NTN3: variants seen among roughly 807,000 people sequenced by gnomAD.
NTN3 encodes the protein netrin-3.
In NTN3, 44 loss-of-function variants were observed where a neutral mutation model predicts 37.2. That is an observed-to-expected ratio of 1.18 (90% CI 0.93 to 1.52). NTN3 has a LOEUF of 1.52. Among genes scored for constraint, NTN3 ranks in the 40% most tolerant of loss-of-function variants. NTN3 has a pLI of 0.00. For synonymous variants in NTN3, 385 were observed against 376.0 expected (o/e 1.02, Z -0.28); for missense variants, 882 against 857.3 (o/e 1.03, Z -0.36).
Position 2,472,150 on chromosome 16 carries a change from TCTC to T in NTN3, c.454_456del (p.Ser152del), listed in dbSNP as rs1457366710. 2 of 1,608,470 alleles carry T rather than the reference TCTC, an allele frequency of 1.2e-6. No homozygotes were observed. The highest frequency in any genetic ancestry group is 1.7e-5 in the Admixed American group (1 of 59,964). The stretch of plus-strand genomic sequence containing the variant: ...CGCAGCTGGGCCCCGCTGGGCTTCT[TCTC>T]CTCCCACTGTGACCTGGACTATGGC... On this transcript the variant is annotated inframe_deletion, in exon 1 of 6. Coordinates refer to ENST00000293973, the MANE Select transcript of NTN3 (RefSeq NM_006181.3).
chr16:2,472,929 A>C, intron 2 of NTN3, 40 bp downstream of exon 2: 2 of 1,579,610 alleles, frequency 1.3e-6, no homozygotes, highest in Non-Finnish European at 1.7e-6. Flanking sequence ...TCACCCTCTG[A>C]CTTCCCAGAT....
Position 2,472,565 on chromosome 16 carries a change from C to CA in NTN3, c.866dup (p.Pro290AlafsTer78), listed in dbSNP as rs1388088234. 6.2e-7 allele frequency: 1 copy of CA among 1,604,254 alleles called. No homozygotes were observed. ...CCGAGGGCCCTGACTGCGGCCGCTG[C>CA]AAGCCCTTCTACTGCGACAGGCCAT... On this transcript the variant is annotated frameshift_variant, in exon 1 of 6. Transcript: ENST00000293973. LOFTEE classifies it high-confidence loss of function.
chr16:2,473,735 C>G, intron 5 of NTN3, 21 bp from the exon 6 acceptor site: 1 of 1,423,400 alleles, frequency 7.0e-7, no homozygotes, highest in Non-Finnish European at 9.1e-7. Context: ...CTGACCCCGC[C>G]CCCTCTCGCT....
At chr16:2,472,945 G>C in intron 2 of NTN3, 40 bp from the exon 3 acceptor site, 1 of 1,580,364 alleles carries the variant, frequency 6.3e-7, no homozygotes. Context: ...CAGATCCCCA[G>C]ACAGGCTTCT....
In NTN3 at chr16:2,471,663, TG is replaced by T; in HGVS notation, c.-35del. 7.8e-7 allele frequency: 1 copy of T among 1,288,548 alleles called. No individual in the cohort carries two copies. Among genetic ancestry groups the T allele is most frequent in the South Asian group, 2.2e-5 (1 of 45,480 alleles). The allele number at this position is 1,288,548 out of a possible 1,614,324, so 79.8% of individuals were successfully genotyped here. ...CTTCTTTTCCCCAAGGGCAGCGTCT[TG>T]GGGCCCGGCCACTGGCTGACCCGCA... On this transcript the variant is annotated 5_prime_UTR_variant, in exon 1 of 6. Coordinates refer to ENST00000293973, the MANE Select transcript of NTN3 (RefSeq NM_006181.3).
At position 2,472,728 on chromosome 16, in the gene NTN3, G is replaced by A. The variant is rs201961012; in HGVS notation, c.956G>A (p.Arg319His). The change falls in exon 2 of 6, where the codon CGC (arginine) becomes CAC (histidine). Residue 319 changes from arginine to histidine, a missense_variant. Physicochemically the swap from Arg to His is conservative, Grantham distance 29 (BLOSUM62 0). Transcript: ENST00000293973. ...TGCTCCTGCAACGGCCATGCCCGCC[G>A]CTGCCGCTTCAACATGGAGCTGTAC... ...LACSCNGHAR[R>H]CRFNMELYRL... The A allele has an allele frequency of 8.8e-5, 141 of 1,609,120 alleles. No homozygotes were observed. The African/African-American group carries it at 1.6e-3, about 18-fold the overall frequency.
At chr16:2,473,343 C>T (rs1239394302) in intron 4 of NTN3, 25 bp downstream of exon 4, 1 of 1,612,830 alleles carries the variant, frequency 6.2e-7, no homozygotes, top group Non-Finnish European at 8.5e-7. Flanking sequence ...GACAGGGCCC[C>T]AGACTGGCAT....
In NTN3 at chr16:2,472,634, G is replaced by C; in HGVS notation, c.928+5G>C. 1 of 1,597,800 alleles carries C rather than the reference G, an allele frequency of 6.3e-7. No individual in the cohort carries two copies. Among genetic ancestry groups the C allele is most frequent in the South Asian group, 1.1e-5 (1 of 90,702 alleles). Reference sequence around the variant, plus strand: ...GGGAATCCCACGCCTGCCTCGGTGAGGCCTTGGAGGGTGGCCTGGGGACCT... The same window carrying C: ...GGGAATCCCACGCCTGCCTCGGTGACGCCTTGGAGGGTGGCCTGGGGACCT... On this transcript the variant is annotated splice_donor_5th_base_variant and intron_variant, in intron 1 of 5. Coordinates refer to ENST00000293973, the MANE Select transcript of NTN3 (RefSeq NM_006181.3).
rs553405375 is a variant in NTN3, at chr16:2,471,941, C to A, written c.240C>A (p.Leu80=). 5.8e-6 allele frequency: 9 copies of A among 1,553,206 alleles called. No homozygotes were observed. The highest frequency in any genetic ancestry group is 7.8e-6 in the Non-Finnish European group (9 of 1,155,942). The change falls in exon 1 of 6, where the codon CTC becomes CTA. Residue 80 remains leucine (L), a synonymous_variant. Transcript: ENST00000293973. ...SDPRRAHSPA[L]LTSPGGTASP... is the part of the protein sequence containing the mutation. Reference sequence around the variant, plus strand: ...CGCGACGGGCACACTCCCCCGCCCTCCTTACTTCCCCAGGGGGCACGGCCA... The same window carrying A: ...CGCGACGGGCACACTCCCCCGCCCTACTTACTTCCCCAGGGGGCACGGCCA...
rs763097962 is a variant in NTN3 at position 2,472,586 on chromosome 16, G to A, written c.885G>A (p.Arg295=). The A allele has an allele frequency of 2.5e-6, 4 of 1,598,102 alleles. No homozygotes were observed. Among genetic ancestry groups the A allele is most frequent in the Non-Finnish European group, 3.4e-6 (4 of 1,172,144 alleles). The change falls in exon 1 of 6, where the codon AGG becomes AGA. Residue 295 remains arginine, a synonymous_variant. Transcript: ENST00000293973. ...CGRCKPFYCD[R]PWQRATARES... is the part of the protein sequence containing the mutation. ...GCTGCAAGCCCTTCTACTGCGACAG[G>A]CCATGGCAGCGGGCCACTGCCCGGG... is the stretch of plus-strand genomic sequence containing the variant.
intron 3 of NTN3, 56 bp downstream of exon 3, chr16:2,473,190 T>C: frequency 2.5e-6 from 4 of 1,596,928 alleles, no homozygotes; most frequent in Non-Finnish European, 3.4e-6. Flanking sequence ...AGCTCCCTGC[T>C]GTTGTCCCGT....
At position 2,471,970 on chromosome 16, in the gene NTN3, C is replaced by T. The variant is rs747949699; in HGVS notation, c.269C>T (p.Pro90Leu). The T allele has an allele frequency of 1.3e-6, 2 of 1,593,414 alleles. No homozygotes were observed. The highest frequency in any genetic ancestry group is 4.5e-5 in the East Asian group (2 of 44,724). Residue 90 changes from proline (P) to leucine (L), a missense_variant, in exon 1 of 6, where the codon CCT becomes CTT. Pro to Leu is a moderately conservative substitution (Grantham distance 98). Coordinates refer to ENST00000293973, the MANE Select transcript of NTN3 (RefSeq NM_006181.3). ...LLTSPGGTAS[P>L]LCWRSESLPR... ...ACTTCCCCAGGGGGCACGGCCAGCCCTCTGTGCTGGCGCTCGGAGTCCCTG... is the reference window on the plus strand; with the variant it reads ...ACTTCCCCAGGGGGCACGGCCAGCCTTCTGTGCTGGCGCTCGGAGTCCCTG...
rs200979299 is a variant in NTN3, at chr16:2,473,090, C to T, written c.1223C>T (p.Ala408Val). 1.9e-5 allele frequency: 30 copies of T among 1,610,068 alleles called. No individual in the cohort carries two copies. The East Asian group carries it at 2.9e-4, about 16-fold the overall frequency. The change falls in exon 3 of 6, where the codon GCG (alanine) becomes GTG (valine). Residue 408 changes from alanine (A) to valine (V), a missense_variant. Coordinates refer to ENST00000293973, the MANE Select transcript of NTN3 (RefSeq NM_006181.3). ...ACTGGCCTCACCTGCAACCGCTGCGCGCCTGGCTTCCAGCAAAGCCGCTCC... is the reference window on the plus strand; with the variant it reads ...ACTGGCCTCACCTGCAACCGCTGCGTGCCTGGCTTCCAGCAAAGCCGCTCC... The part of the protein sequence containing the change: ...GVTGLTCNRC[A>V]PGFQQSRSPV...
chr16:2,473,594 C>A, intron 5 of NTN3, 91 bp downstream of exon 5: 2 of 1,413,396 alleles, frequency 1.4e-6, no homozygotes, highest in Non-Finnish European at 2.0e-6. Flanking sequence ...AACGCCTTGA[C>A]CCTTGCTGGG....
rs560140963 is a variant in NTN3, at chr16:2,471,978, T to A, written c.277T>A (p.Trp93Arg). 2 of 1,597,770 alleles carry A rather than the reference T, an allele frequency of 1.3e-6. No individual in the cohort carries two copies. The highest frequency in any genetic ancestry group is 1.3e-5 in the African/African-American group (1 of 74,944). Residue 93 changes from tryptophan to arginine, a missense_variant, in exon 1 of 6, where the codon TGG becomes AGG. Trp to Arg is a moderately radical substitution (Grantham distance 101). Coordinates refer to ENST00000293973, the MANE Select transcript of NTN3 (RefSeq NM_006181.3). Reference protein sequence around the residue: ...SPGGTASPLCWRSESLPRAPL... With the variant: ...SPGGTASPLCRRSESLPRAPL... ...AGGGGGCACGGCCAGCCCTCTGTGC[T>A]GGCGCTCGGAGTCCCTGCCTCGGGC...
In NTN3 at chr16:2,473,746, C is replaced by T; in HGVS notation, c.1394-10C>T. 7.0e-7 allele frequency: 1 copy of T among 1,418,624 alleles called. No homozygotes were observed. The highest frequency in any genetic ancestry group is 9.1e-7 in the Non-Finnish European group (1 of 1,095,078). 87.9% of individuals were successfully genotyped at this position (1,418,624 alleles called of 1,614,324 possible). ...CTTCCTGACCCCGCCCCCTCTCGCT[C>T]TCCCCGCAGCGGTGCAGGTGGCGGT... On this transcript the variant is annotated splice_polypyrimidine_tract_variant and intron_variant, in intron 5 of 5. Transcript: ENST00000293973.
Position 2,472,254 on chromosome 16 carries a change from C to A in NTN3, c.553C>A (p.Pro185Thr), listed in dbSNP as rs781595686. 2 of 1,609,606 alleles carry A rather than the reference C, an allele frequency of 1.2e-6. No homozygotes were observed. Among genetic ancestry groups the A allele is most frequent in the South Asian group, 1.1e-5 (1 of 90,872 alleles). ...ALCFPAPLAQ[P>T]DGSGLLAFSM... The stretch of plus-strand genomic sequence containing the variant: ...GTGCTTCCCCGCACCCCTGGCCCAG[C>A]CTGATGGCAGCGGCCTTCTGGCCTT... The change falls in exon 1 of 6, where the codon CCT becomes ACT. Residue 185 changes from proline to threonine, a missense_variant. Transcript: ENST00000293973.
chr16:2,472,743 T>C lies in NTN3; in HGVS notation c.971T>C (p.Met324Thr), dbSNP rs1285441723. Residue 324 changes from methionine to threonine, a missense_variant, in exon 2 of 6, where the codon ATG becomes ACG. Coordinates refer to ENST00000293973, the MANE Select transcript of NTN3 (RefSeq NM_006181.3). ...NGHARRCRFN[M>T]ELYRLSGRRS... ...CATGCCCGCCGCTGCCGCTTCAACA[T>C]GGAGCTGTACCGACTGTCCGGCCGC... 6.2e-7 allele frequency: 1 copy of C among 1,609,024 alleles called. No individual in the cohort carries two copies. Among genetic ancestry groups the C allele is most frequent in the Non-Finnish European group, 8.5e-7 (1 of 1,179,540 alleles).
In NTN3 at chr16:2,471,566, G is replaced by A. The variant is rs975051597; in HGVS notation, c.-136G>A. The A allele has an allele frequency of 1.8e-6, 1 of 555,002 alleles. No individual in the cohort carries two copies. The highest frequency in any genetic ancestry group is 2.8e-6 in the Non-Finnish European group (1 of 358,162). The allele number at this position is 555,002 out of a possible 1,614,324, so 34.4% of individuals were successfully genotyped here. ...GTGCCCGCCGCTGCTCCCACCTCTG[G>A]GCCGGGCTGGGGCCGCCCGGGGGCC... On this transcript the variant is annotated 5_prime_UTR_variant, in exon 1 of 6. Coordinates refer to ENST00000293973, the MANE Select transcript of NTN3 (RefSeq NM_006181.3).
Sources: gnomAD v4.1 joint callset for allele counts on GRCh38, gnomAD v4.1.1 for gene constraint, MANE v1.5 for transcripts, NCBI Gene and HGNC (gene_info 2026-07-23, HGNC 2026-07-21) for gene names.